The following PDLIM2 variants were observed in gnomAD, a reference collection of about 807,000 sequenced individuals.
The protein encoded by PDLIM2 is PDZ and LIM domain protein 2.
A neutral mutation model predicts 54.1 loss-of-function variants in PDLIM2; 51 were observed. That is an observed-to-expected ratio of 0.94 (90% confidence interval 0.75 to 1.19). The LOEUF is 1.19. Among genes scored for constraint, PDLIM2 ranks in the 50% most tolerant of loss-of-function variants. PDLIM2 has a pLI of 0.00. For missense variants in PDLIM2, 912 were observed against 874.0 expected, an observed-to-expected ratio of 1.04 and a Z score of -0.55; for synonymous variants, 398 against 385.6, an observed-to-expected ratio of 1.03 and a Z score of -0.38.
intron 6 of PDLIM2, 141 bp downstream of exon 5, chr8:22,585,540 C>T: frequency 3.7e-6 from 3 of 821,194 alleles, no homozygotes; most frequent in East Asian, 2.7e-5. Flanking sequence ...GCATGCTCTG[C>T]TCCTGAGCCA....
chr8:22,585,629 T>TCC, intron 6 of PDLIM2: 1 of 40,378 alleles, frequency 2.5e-5, no homozygotes, highest in Non-Finnish European at 4.1e-5. Flanking sequence ...CCCGTCCATC[T>TCC]CCTGCACCCC....
chr8:22,589,857 C>T, intron 8 of PDLIM2, 116 bp downstream of exon 7: 1 of 1,392,972 alleles, frequency 7.2e-7, no homozygotes, highest in Non-Finnish European at 9.7e-7. Context: ...CACCCCAGGA[C>T]TAGGCACGGA....
Position 22,580,918 on chromosome 8 carries a change from A to G in PDLIM2, c.843+221A>G, listed in dbSNP as rs1800177301. On this transcript the variant is annotated intron_variant, in intron 2 of 9. Transcript: ENST00000308354. ...AGTGAAAGGGAGCTGGGACCAGGACAGGGCCGGCTCTTGCCTCCCCAGTTG... is the reference window on the plus strand; with the variant it reads ...AGTGAAAGGGAGCTGGGACCAGGACGGGGCCGGCTCTTGCCTCCCCAGTTG... 2.1e-5 allele frequency: 15 copies of G among 700,508 alleles called. No homozygotes were observed. In the East Asian group the frequency reaches 4.3e-4, roughly 20 times the overall value. 43.4% of individuals were successfully genotyped at this position (700,508 alleles called of 1,614,324 possible).
chr8:22,579,000 T>G, exon 1 of PDLIM2: 1 of 1,242,014 alleles, frequency 8.1e-7, no homozygotes. Context: ...CCCGGCGGGC[T>G]CGGGCCAGGT....
intron 2 of PDLIM2, 168 bp downstream of exon 1, chr8:22,580,865 G>T: frequency 1.3e-6 from 1 of 793,926 alleles, no homozygotes; most frequent in South Asian, 1.5e-5. Context: ...ACGGGGATGT[G>T]GTGGCCACTT....
chr8:22,581,004 C>A, intron 2 of PDLIM2: 1 of 657,274 alleles, frequency 1.5e-6, no homozygotes, highest in Non-Finnish European at 2.9e-6. Flanking sequence ...CCCCGGAGTT[C>A]TTGGCAGTCT....
downstream of PDLIM2, chr8:22,594,859 G>A (rs916877916): frequency 3.9e-5 from 24 of 618,978 alleles, no homozygotes; most frequent in Middle Eastern, 4.6e-4. Context: ...TCAGGAGGCC[G>A]AGGCTGCCTT....
chr8:22,594,554 A>G (rs764136144), downstream of PDLIM2: 40 of 1,613,788 alleles, frequency 2.5e-5, no homozygotes, highest in Non-Finnish European at 2.5e-5. Flanking sequence ...TATGGAGGGA[A>G]TGAGATTGTC....
At chr8:22,594,111 C>T in exon 10 of PDLIM2, 1 of 1,428,264 alleles carries the variant, frequency 7.0e-7, no homozygotes. Flanking sequence ...CCAGGCCTCT[C>T]CCCTGCAGGA....
At chr8:22,594,433 T>C, downstream of PDLIM2, 1 of 1,597,970 alleles carries the variant, frequency 6.3e-7, no homozygotes, top group Non-Finnish European at 8.6e-7. Flanking sequence ...CCCTGCCAGT[T>C]GCCTGCACCT....
chr8:22,584,631 A>C (rs1244560081), intron 3 of PDLIM2, among the ~76,000 whole-genome samples, 190 bp from the exon 3 acceptor site: 1 of 152,212 alleles, frequency 6.6e-6, no homozygotes. Context: ...TCTTTTAAGG[A>C]ACCATGGTTG....
exon 4 of PDLIM2, chr8:22,584,830 T>A: frequency 6.2e-7 from 1 of 1,614,166 alleles, no homozygotes; most frequent in South Asian, 1.1e-5. Context: ...GGTCTCAGGC[T>A]ACGTCTCCAG....
rs1489529301 is a variant in PDLIM2, at chr8:22,589,690, C to T, written c.1462C>T (p.Gln488Ter). 3.8e-6 allele frequency: 6 copies of T among 1,574,764 alleles called. No individual in the cohort carries two copies. Among genetic ancestry groups the T allele is most frequent in the East Asian group, 2.3e-5 (1 of 42,942 alleles). The change falls in exon 8 of 10, where the codon CAG (glutamine) becomes TAG (stop). Residue 488 changes from glutamine (Q) to a stop codon, truncating the protein, a stop_gained. Transcript: ENST00000308354. LOFTEE classifies it high-confidence loss of function. ...TCGCGAGGGACGGGCGGCCCCCCGA[C>T]AGTCCAGCTCCTTTCGGCTCTTGCA...
chr8:22,589,771 G>A (rs1294725027), intron 8 of PDLIM2, 30 bp downstream of exon 7: 1 of 1,554,562 alleles, frequency 6.4e-7, no homozygotes, highest in East Asian at 2.4e-5. Flanking sequence ...GGGAGGGGAA[G>A]GAGGTTCCCT....
chr8:22,589,363 CT>C lies in PDLIM2; in HGVS notation c.1357del (p.Ser453ProfsTer63). The C allele has an allele frequency of 6.5e-7, 1 of 1,535,172 alleles. No homozygotes were observed. Among genetic ancestry groups the C allele is most frequent in the Non-Finnish European group, 8.7e-7 (1 of 1,146,224 alleles). On this transcript the variant is annotated frameshift_variant, in exon 7 of 10. Coordinates refer to ENST00000308354, the Ensembl canonical transcript of PDLIM2. LOFTEE classifies it high-confidence loss of function. ...TGCCGCCTTCCCCGGGCCCTCGTTC[CT>C]CCAGGCCCAGGTACCAGCAGGCCCC...
intron 1 of PDLIM2, chr8:22,579,595 A>G: frequency 7.3e-7 from 1 of 1,378,040 alleles, no homozygotes; most frequent in Non-Finnish European, 9.4e-7. Context: ...CTGGGAACAG[A>G]GGCTAGGCCT....
intron 2 of PDLIM2, chr8:22,581,165 G>A (rs1426929383): frequency 1.5e-6 from 1 of 656,898 alleles, no homozygotes. Context: ...TCTTTGGGAG[G>A]CCCATTAGAA....
rs968754117 is a variant in PDLIM2 at position 22,594,281 on chromosome 8, G to A, written c.*371G>A. ...TGACATACTAGCTCTATAAATATAT[G>A]AATATGGACAAAATAAAGTAGATGT... On this transcript the variant is annotated 3_prime_UTR_variant, in exon 10 of 10. Coordinates refer to ENST00000308354, the Ensembl canonical transcript of PDLIM2. The A allele has an allele frequency of 2.1e-6, 3 of 1,397,894 alleles. No individual in the cohort carries two copies. The African/African-American group carries it at 4.4e-5, about 20-fold the overall frequency. 86.6% of individuals were successfully genotyped at this position (1,397,894 alleles called of 1,614,324 possible).
intron 1 of PDLIM2, chr8:22,579,805 C>G (rs914935430): frequency 2.6e-6 from 1 of 381,712 alleles, no homozygotes; most frequent in African/African-American, 2.1e-5. Context: ...AGGGGTCTGT[C>G]TGCAAGGGCA....
Sources: gnomAD v4.1 joint callset for allele counts (sites outside exome capture counted in the v4.1 genomes callset) on GRCh38, gnomAD v4.1.1 for gene constraint, MANE v1.5 for transcripts, NCBI Gene and HGNC (gene_info 2026-07-23, HGNC 2026-07-21) for gene names.